PRDM6: variants seen among roughly 807,000 people sequenced by gnomAD.
PRDM6 encodes the protein putative histone-lysine N-methyltransferase PRDM6.
Under a neutral mutation model 60.8 loss-of-function variants are expected in PRDM6, and 25 were observed. The ratio of observed to expected loss-of-function variants is 0.41; its 90% CI spans 0.30 to 0.57. The LOEUF is 0.57. Among genes scored for constraint, PRDM6 ranks in the 20% least tolerant of loss-of-function variants. The pLI, the probability that PRDM6 is intolerant of heterozygous loss-of-function variation, is 0.27. For synonymous variants in PRDM6, 407 were observed against 357.4 expected (o/e 1.14, Z -1.57); for missense variants, 839 against 821.3 (o/e 1.02, Z -0.26).
intron 3 of PRDM6, among the ~76,000 whole-genome samples, chr5:123,122,993 T>C (rs973353469): frequency 3.3e-5 from 5 of 152,204 alleles, no homozygotes; most frequent in African/African-American, 1.2e-4. Flanking sequence ...TGAATCCTTA[T>C]AGATTCTTAT....
chr5:123,127,397 G>A (rs1055109783), intron 3 of PRDM6, among the ~76,000 whole-genome samples: 1 of 152,164 alleles, frequency 6.6e-6, no homozygotes, highest in Non-Finnish European at 1.5e-5. Flanking sequence ...ATAACAGTTG[G>A]GGAGGAAGGA....
intron 3 of PRDM6, among the ~76,000 whole-genome samples, chr5:123,115,579 A>G (rs1182791927): frequency 1.3e-5 from 2 of 152,226 alleles, no homozygotes; most frequent in Non-Finnish European, 2.9e-5. Context: ...GTGTAGAAAA[A>G]TATTTTAAAA....
At chr5:123,125,105 C>G (rs1470691680) in intron 3 of PRDM6, among the ~76,000 whole-genome samples, 1 of 148,136 alleles carries the variant, frequency 6.8e-6, no homozygotes, top group Non-Finnish European at 1.5e-5. Flanking sequence ...TTCTGAAAAC[C>G]CTCCTAGTAC....
chr5:123,111,425 G>A (rs895223716), intron 3 of PRDM6, among the ~76,000 whole-genome samples: 4 of 152,210 alleles, frequency 2.6e-5, no homozygotes, highest in Non-Finnish European at 4.4e-5. Context: ...CCGGCAGGGC[G>A]CGGTGGCTCA....
In PRDM6 at chr5:123,099,993, C is replaced by G; in HGVS notation, c.900+32C>G. 3 of 1,464,210 alleles carry G rather than the reference C, an allele frequency of 2.0e-6. No homozygotes were observed. Among genetic ancestry groups the G allele is most frequent in the Non-Finnish European group, 2.7e-6 (3 of 1,100,808 alleles). 90.7% of individuals were successfully genotyped at this position (1,464,210 alleles called of 1,614,324 possible). On this transcript the variant is annotated intron_variant, in intron 3 of 7. Coordinates refer to ENST00000407847, the MANE Select transcript of PRDM6 (RefSeq NM_001136239.4). The surrounding 1 kb of genome is among the most constrained non-coding windows in gnomAD (Gnocchi z 4.0). Reference sequence around the variant, plus strand: ...GGCCGGCTGCACAGCGCCTCCCCACCGAGCAGGAGCCTTGGCCAGCAGGGA... The same window carrying G: ...GGCCGGCTGCACAGCGCCTCCCCACGGAGCAGGAGCCTTGGCCAGCAGGGA...
At chr5:123,131,783 A>G (rs543276965) in intron 3 of PRDM6, among the ~76,000 whole-genome samples, 8 of 152,330 alleles carry the variant, frequency 5.3e-5, no homozygotes, top group Admixed American at 5.2e-4. Flanking sequence ...TTTCTGAATG[A>G]ACAATGATGA....
chr5:123,187,725 C>G lies in PRDM6; in HGVS notation c.*524C>G, dbSNP rs1271955800. On this transcript the variant is annotated 3_prime_UTR_variant, in exon 8 of 8. Transcript: ENST00000407847. Reference sequence around the variant, plus strand: ...AGTGAGAGCCTTCGCTGAGTCAATGCTACCTTCAGCCCCAGACGCATCCCA... The same window carrying G: ...AGTGAGAGCCTTCGCTGAGTCAATGGTACCTTCAGCCCCAGACGCATCCCA... 1 of 154,628 alleles carries G rather than the reference C, an allele frequency of 6.5e-6. No homozygotes were observed. Among genetic ancestry groups the G allele is most frequent in the African/African-American group, 2.4e-5 (1 of 41,482 alleles). 9.6% of individuals were successfully genotyped at this position (154,628 alleles called of 1,614,324 possible).
intron 3 of PRDM6, among the ~76,000 whole-genome samples, chr5:123,102,169 G>A (rs1473491390): frequency 2.6e-5 from 4 of 152,196 alleles, no homozygotes; most frequent in African/African-American, 7.2e-5. Context: ...CATACAAAAT[G>A]TGTCAGTCTC....
At chr5:123,092,099 A>G (rs1763854565) in intron 2 of PRDM6, among the ~76,000 whole-genome samples, 1 of 152,234 alleles carries the variant, frequency 6.6e-6, no homozygotes. Context: ...GGCTTAAAAT[A>G]GTGGTTTCAA....
At chr5:123,152,513 A>G (rs867084502) in intron 3 of PRDM6, among the ~76,000 whole-genome samples, 1 of 152,212 alleles carries the variant, frequency 6.6e-6, no homozygotes, top group African/African-American at 2.4e-5. Context: ...ACTAGTTTGC[A>G]AAGGAGAAAC....
Position 123,191,322 on chromosome 5 carries a change from C to T in PRDM6, c.*4121C>T, listed in dbSNP as rs1561896250. On this transcript the variant is annotated 3_prime_UTR_variant, in exon 8 of 8. Transcript: ENST00000407847. ...TTAAAATGGGAATCATGGCACGTCT[C>T]ACAAAGAGGGCATTTCCAGAACAGC... The T allele has an allele frequency of 6.6e-6, 1 of 152,152 alleles. No individual in the cohort carries two copies. Among genetic ancestry groups the T allele is most frequent in the Non-Finnish European group, 1.5e-5 (1 of 68,036 alleles). 9.4% of individuals were successfully genotyped at this position (152,152 alleles called of 1,614,324 possible). A position where few individuals can be genotyped will look rare whatever the true frequency, so the allele number is the denominator to read the frequency against.
chr5:123,090,145 T>A lies in PRDM6; in HGVS notation c.131T>A (p.Leu44Gln). ...PLKGSGAAGLLSAPQPLQPPP... is the reference protein window; with the variant it reads ...PLKGSGAAGLQSAPQPLQPPP... ...AAGGGCAGCGGCGCCGCGGGTCTCC[T>A]GAGCGCGCCGCAGCCTCTTCAGCCG... Residue 44 changes from leucine (L) to glutamine (Q), a missense_variant, in exon 2 of 8, where the codon CTG (leucine) becomes CAG (glutamine). Physicochemically the swap from Leu to Gln is moderately radical, Grantham distance 113 (BLOSUM62 -2). Coordinates refer to ENST00000407847, the MANE Select transcript of PRDM6 (RefSeq NM_001136239.4). 3.9e-6 allele frequency: 6 copies of A among 1,530,762 alleles called. No individual in the cohort carries two copies. Among genetic ancestry groups the A allele is most frequent in the Non-Finnish European group, 5.3e-6 (6 of 1,139,132 alleles). The allele number at this position is 1,530,762 out of a possible 1,614,324, so 94.8% of individuals were successfully genotyped here. A position where few individuals can be genotyped will look rare whatever the true frequency, so the allele number is the denominator to read the frequency against.
intron 2 of PRDM6, among the ~76,000 whole-genome samples, chr5:123,092,752 G>A (rs1051819394): frequency 1.3e-5 from 2 of 152,144 alleles, no homozygotes; most frequent in African/African-American, 4.8e-5. Flanking sequence ...TAATTAAAGG[G>A]CAATTGAGAA....
Position 123,190,632 on chromosome 5 carries a change from T to C in PRDM6, c.*3431T>C, listed in dbSNP as rs1248506331. 6.6e-6 allele frequency: 1 copy of C among 152,230 alleles called. No homozygotes were observed. The highest frequency in any genetic ancestry group is 6.5e-5 in the Admixed American group (1 of 15,290). 9.4% of individuals were successfully genotyped at this position (152,230 alleles called of 1,614,324 possible). The stretch of plus-strand genomic sequence containing the variant: ...CATTGTGTCCTCATAGGGCTCATAA[T>C]TGAATTTTACCTTGTAAAAATTTCA... On this transcript the variant is annotated 3_prime_UTR_variant, in exon 8 of 8. Coordinates refer to ENST00000407847, the MANE Select transcript of PRDM6 (RefSeq NM_001136239.4).
At chr5:123,124,420 C>T (rs1405073469) in intron 3 of PRDM6, among the ~76,000 whole-genome samples, 1 of 152,158 alleles carries the variant, frequency 6.6e-6, no homozygotes, top group East Asian at 1.9e-4. Context: ...ATGGAACAGA[C>T]AGACACGGGA....
chr5:123,187,779 T>A lies in PRDM6; in HGVS notation c.*578T>A, dbSNP rs1561892723. 6.6e-6 allele frequency: 1 copy of A among 152,388 alleles called. No individual in the cohort carries two copies. The highest frequency in any genetic ancestry group is 2.4e-5 in the African/African-American group (1 of 41,450). 9.4% of individuals were successfully genotyped at this position (152,388 alleles called of 1,614,324 possible). ...CCATGTCTTCCATGCTCACTGCTCA[T>A]GCACTTTTTACACGGTTTCTTCCAA... On this transcript the variant is annotated 3_prime_UTR_variant, in exon 8 of 8. Transcript: ENST00000407847.
intron 5 of PRDM6, among the ~76,000 whole-genome samples, chr5:123,160,602 A>C (rs1206891545): frequency 6.6e-6 from 1 of 152,172 alleles, no homozygotes; most frequent in Non-Finnish European, 1.5e-5. Flanking sequence ...AAAAACTGCA[A>C]TTTAAAAACG....
At chr5:123,167,505 C>G (rs1765780090) in intron 5 of PRDM6, among the ~76,000 whole-genome samples, 1 of 152,112 alleles carries the variant, frequency 6.6e-6, no homozygotes. Context: ...TTCTTCCGCC[C>G]CAGCCTCCCA....
At chr5:123,185,555 C>T (rs1766268127) in intron 7 of PRDM6, among the ~76,000 whole-genome samples, 1 of 152,160 alleles carries the variant, frequency 6.6e-6, no homozygotes, top group Non-Finnish European at 1.5e-5. Flanking sequence ...AGGTCTGATA[C>T]ATTAAAGCTG....
Sources: allele counts gnomAD v4.1 joint callset (sites outside exome capture counted in the v4.1 genomes callset), GRCh38; gene constraint gnomAD v4.1.1; non-coding constraint Gnocchi (gnomAD v3.1); transcripts MANE v1.5; gene names NCBI Gene and HGNC (gene_info 2026-07-23, HGNC 2026-07-21).